The following ERC2 variants were observed in gnomAD, a reference collection of about 807,000 sequenced individuals.
ERC2 encodes the protein ERC protein 2.
Under a neutral mutation model 114.8 loss-of-function variants are expected in ERC2, and 42 were observed. That is an observed-to-expected ratio of 0.37 (90% CI 0.29 to 0.47). The LOEUF (loss-of-function observed/expected upper bound fraction) is 0.47, where lower values mean the gene tolerates loss of function less well. ERC2 is among the 20% of genes least tolerant of loss of function. The pLI is 0.99. For missense variants in ERC2, 939 were observed against 1,150.7 expected, an observed-to-expected ratio of 0.82 and a Z score of 2.66; for synonymous variants, 454 against 425.5, an observed-to-expected ratio of 1.07 and a Z score of -0.82.
Position 56,441,311 on chromosome 3 carries a change from C to A in ERC2, c.-140-6164G>T, listed in dbSNP as rs934316107. On this transcript the variant is annotated intron_variant, in intron 1 of 17. Transcript: ENST00000288221. ...GGAGCTTCCAGCCCAGCCCAGCCAC[C>A]GTCTTTAATCAGCTGCATGAATAAC... Among the ~76,000 whole-genome samples, 4 of 152,228 alleles carry A rather than the reference C, an allele frequency of 2.6e-5. No individual in the cohort carries two copies. The South Asian group carries it at 8.3e-4, about 32-fold the overall frequency.
intron 6 of ERC2, among the ~76,000 whole-genome samples, chr3:56,115,425 A>G (rs774308519): frequency 6.6e-6 from 1 of 152,064 alleles, no homozygotes; most frequent in African/African-American, 2.4e-5. Context: ...ACCAGCCCCC[A>G]TTCTTCAAGA....
intron 17 of ERC2, among the ~76,000 whole-genome samples, chr3:55,559,009 G>A (rs957729195): frequency 6.6e-6 from 1 of 152,244 alleles, no homozygotes; most frequent in Admixed American, 6.5e-5. Flanking sequence ...CAGTTGGGCA[G>A]GCTGAGAGAG....
chr3:55,784,321 C>A (rs1003713651), intron 14 of ERC2, among the ~76,000 whole-genome samples: 1 of 152,064 alleles, frequency 6.6e-6, no homozygotes, highest in Non-Finnish European at 1.5e-5. Context: ...TTAATATTTA[C>A]AGAAATGCCA....
chr3:55,865,655 A>C (rs2062276757), intron 14 of ERC2, among the ~76,000 whole-genome samples: 2 of 151,760 alleles, frequency 1.3e-5, no homozygotes, highest in South Asian at 4.2e-4. Flanking sequence ...CCACTAATCC[A>C]TTTTCTGTCT....
chr3:55,589,589 T>C (rs1395276078), intron 17 of ERC2, among the ~76,000 whole-genome samples: 1 of 152,054 alleles, frequency 6.6e-6, no homozygotes, highest in Non-Finnish European at 1.5e-5. Flanking sequence ...GAGGCCTCCA[T>C]GAGGAGTCCT....
At chr3:56,334,137 C>T (rs1222737862) in intron 2 of ERC2, among the ~76,000 whole-genome samples, 1 of 152,214 alleles carries the variant, frequency 6.6e-6, no homozygotes. Flanking sequence ...AACAGTCTCC[C>T]TTTCCTTTGG....
chr3:56,094,527 A>G (rs1361339113), intron 6 of ERC2, among the ~76,000 whole-genome samples: 1 of 152,142 alleles, frequency 6.6e-6, no homozygotes, highest in African/African-American at 2.4e-5. Flanking sequence ...GAAGCTGCTT[A>G]TTTCTGAGGG....
chr3:56,348,654 T>C (rs2058403270), intron 2 of ERC2, among the ~76,000 whole-genome samples: 1 of 151,870 alleles, frequency 6.6e-6, no homozygotes, highest in African/African-American at 2.4e-5. Context: ...GCAGGTTAAA[T>C]GAAACTTGCC....
At position 55,939,718 on chromosome 3, in the gene ERC2, C is replaced by T. The variant is rs1359220912; in HGVS notation, c.2403+10707G>A. On this transcript the variant is annotated intron_variant, in intron 13 of 17. Transcript: ENST00000288221. ...CTGAACAATTAGGAGAAAAATAGCC[C>T]CTGCTGACATAGTGGCTTATTAAAA... is the stretch of plus-strand genomic sequence containing the variant. Among the ~76,000 whole-genome samples the T allele has an allele frequency of 2.0e-5, 3 of 152,280 alleles. No homozygotes were observed. In the East Asian group the frequency reaches 5.8e-4, roughly 29 times the overall value.
intron 17 of ERC2, among the ~76,000 whole-genome samples, chr3:55,544,001 C>A (rs1048495174): frequency 6.6e-6 from 1 of 152,210 alleles, no homozygotes; most frequent in African/African-American, 2.4e-5. Context: ...GATGAGGTGG[C>A]TGCTGTTGGT....
intron 3 of ERC2, among the ~76,000 whole-genome samples, chr3:56,237,464 G>A (rs547202547): frequency 2.0e-5 from 3 of 152,124 alleles, no homozygotes; most frequent in Non-Finnish European, 4.4e-5. Flanking sequence ...GAAAGGACAC[G>A]TTTTCCTTTT....
intron 2 of ERC2, among the ~76,000 whole-genome samples, chr3:56,321,926 T>C (rs2057145004): frequency 6.6e-6 from 1 of 152,228 alleles, no homozygotes; most frequent in Non-Finnish European, 1.5e-5. Flanking sequence ...ATCATGTATT[T>C]GCATTTTTTA....
At chr3:56,218,853 G>A (rs1315806138) in intron 3 of ERC2, among the ~76,000 whole-genome samples, 1 of 152,090 alleles carries the variant, frequency 6.6e-6, no homozygotes, top group African/African-American at 2.4e-5. Flanking sequence ...CATGGATGAA[G>A]CTGGAAACCA....
chr3:56,103,100 A>C (rs2078448683), intron 6 of ERC2, among the ~76,000 whole-genome samples: 1 of 152,104 alleles, frequency 6.6e-6, no homozygotes, highest in South Asian at 2.1e-4. Context: ...AATTAGAGAG[A>C]GCTTCCTGGA....
intron 13 of ERC2, among the ~76,000 whole-genome samples, chr3:55,909,625 G>C (rs757146622): frequency 3.9e-5 from 6 of 152,094 alleles, no homozygotes; most frequent in Non-Finnish European, 8.8e-5. Flanking sequence ...AGGCAGCCAT[G>C]GGAGGGAGTG....
chr3:56,074,748 G>A lies in ERC2; in HGVS notation c.1641+6069C>T, dbSNP rs577150209. On this transcript the variant is annotated intron_variant, in intron 7 of 17. Coordinates refer to ENST00000288221, the MANE Select transcript of ERC2 (RefSeq NM_015576.3). ...TTTCCTCTTCTGTGTTTTATTATTC[G>A]TGGTATGGTTCCATCTTGCAGCCTA... is the stretch of plus-strand genomic sequence containing the variant. Among the ~76,000 whole-genome samples the A allele has an allele frequency of 5.9e-4, 90 of 152,174 alleles. 1 individual carries two copies. Among genetic ancestry groups the A allele is most frequent in the Admixed American group, 2.0e-3 (30 of 15,280 alleles).
At chr3:55,950,058 A>G (rs2067393783) in intron 13 of ERC2, among the ~76,000 whole-genome samples, 1 of 152,214 alleles carries the variant, frequency 6.6e-6, no homozygotes, top group Admixed American at 6.5e-5. Flanking sequence ...TTCTGTGATA[A>G]TACACACACA....
intron 8 of ERC2, among the ~76,000 whole-genome samples, chr3:56,016,838 C>T (rs1332668663): frequency 3.3e-5 from 5 of 152,016 alleles, no homozygotes; most frequent in African/African-American, 1.2e-4. Context: ...GTGGGACTGG[C>T]CCCTAGGTCT....
intron 1 of ERC2, among the ~76,000 whole-genome samples, chr3:56,452,303 A>G (rs1045009489): frequency 2.6e-5 from 4 of 152,216 alleles, no homozygotes; most frequent in African/African-American, 9.6e-5. Flanking sequence ...TGAAAGTTTC[A>G]CAGAAGTTGA....
Sources: allele counts gnomAD v4.1 joint callset (sites outside exome capture counted in the v4.1 genomes callset), GRCh38; gene constraint gnomAD v4.1.1; transcripts MANE v1.5; gene names NCBI Gene and HGNC (gene_info 2026-07-23, HGNC 2026-07-21).